The following SYN2 variants were observed in gnomAD, a reference collection of about 807,000 sequenced individuals.
SYN2 encodes the protein synapsin-2.
In SYN2, 19 loss-of-function variants were observed where a neutral mutation model predicts 50.9. That is an observed-to-expected ratio of 0.37 (90% CI 0.26 to 0.55). The LOEUF (loss-of-function observed/expected upper bound fraction) is 0.55. Among genes scored for constraint, SYN2 ranks in the 20% least tolerant of loss-of-function variants. The pLI, the probability that SYN2 is intolerant of heterozygous loss-of-function variation, is 0.81. For missense variants in SYN2, 587 were observed against 576.4 expected (o/e 1.02, Z -0.19); for synonymous variants, 255 against 224.9 (o/e 1.13, Z -1.20).
chr3:12,152,912 AG>A (rs912650649), intron 5 of SYN2: 1 of 173,074 alleles, frequency 5.8e-6, no homozygotes, highest in African/African-American at 2.4e-5. Flanking sequence ...AATGGTATAG[AG>A]GGGATAACAG....
chr3:12,008,479 G>A (rs552931643), intron 1 of SYN2, among the ~76,000 whole-genome samples: 1 of 152,254 alleles, frequency 6.6e-6, no homozygotes, highest in Admixed American at 6.5e-5. Context: ...TCAACCAGGA[G>A]CATTTTGAAC....
intron 12 of SYN2, among the ~76,000 whole-genome samples, chr3:12,188,015 TTC>T (rs2307973): frequency 0.73 from 104,248 of 143,676 alleles, 36,795 homozygotes; most frequent in South Asian, 0.81. Context: ...TTGTGTGTGT[TTC>T]TTTCTTTGTA....
intron 4 of SYN2, among the ~76,000 whole-genome samples, chr3:12,150,430 G>A (rs1697255152): frequency 6.6e-6 from 1 of 152,182 alleles, no homozygotes; most frequent in Non-Finnish European, 1.5e-5. Context: ...CTGTGAACCT[G>A]GCTCAACTAC....
chr3:12,026,699 A>C (rs1559390344), intron 1 of SYN2, among the ~76,000 whole-genome samples: 2 of 152,266 alleles, frequency 1.3e-5, no homozygotes, highest in South Asian at 2.1e-4. Context: ...AAGAATGAGG[A>C]ATGCTAGGAG....
chr3:12,004,976 C>T, intron 1 of SYN2, 48 bp downstream of exon 1: 1 of 469,190 alleles, frequency 2.1e-6, no homozygotes, highest in Non-Finnish European at 3.7e-6. Flanking sequence ...CCGCCGGCAG[C>T]CGCAGGCCAG....
intron 1 of SYN2, among the ~76,000 whole-genome samples, chr3:12,137,506 G>C (rs1363793283): frequency 6.6e-6 from 1 of 152,136 alleles, no homozygotes; most frequent in Non-Finnish European, 1.5e-5. Context: ...AGCCATTGTA[G>C]CACTGTTTGT....
chr3:12,079,584 G>A (rs767367291), intron 1 of SYN2, among the ~76,000 whole-genome samples: 7 of 152,110 alleles, frequency 4.6e-5, no homozygotes, highest in Non-Finnish European at 8.8e-5. Flanking sequence ...CTTTAGTTCT[G>A]TTTATGTGAT....
rs190734487 is a variant in SYN2, at chr3:12,039,477, G to A, written c.377+34549G>A. On this transcript the variant is annotated intron_variant, in intron 1 of 12. Coordinates refer to ENST00000621198, the MANE Select transcript of SYN2 (RefSeq NM_133625.6). ...AACTCTACCTTTGTGCTAGGTAGAG[G>A]TCACTTCAGTTTTCACTGTATTCTT... 1.6e-4 allele frequency among the ~76,000 whole-genome samples: 24 copies of A among 151,206 alleles called. No individual in the cohort carries two copies. In the East Asian group the frequency reaches 2.0e-3, roughly 12 times the overall value.
chr3:12,091,525 C>A (rs1695828015), intron 1 of SYN2, among the ~76,000 whole-genome samples: 1 of 152,008 alleles, frequency 6.6e-6, no homozygotes, highest in South Asian at 2.1e-4. Context: ...ATAAGTGAGA[C>A]CCAGAGACAG....
intron 1 of SYN2, among the ~76,000 whole-genome samples, chr3:12,099,730 C>T (rs536067476): frequency 2.0e-5 from 3 of 151,880 alleles, no homozygotes; most frequent in African/African-American, 7.2e-5. Context: ...TTTGGGAGGC[C>T]GAAATGGGCG....
chr3:12,112,310 C>G (rs1295922774), intron 1 of SYN2, among the ~76,000 whole-genome samples: 3 of 152,180 alleles, frequency 2.0e-5, no homozygotes, highest in Non-Finnish European at 4.4e-5. Flanking sequence ...ACTTCACAGT[C>G]AGATTCAATG....
chr3:12,022,076 T>TC (rs1694150249), intron 1 of SYN2, among the ~76,000 whole-genome samples: 1 of 114,790 alleles, frequency 8.7e-6, no homozygotes, highest in South Asian at 4.0e-4. Context: ...AGGCTCTGTG[T>TC]CAAAAAAAAA....
At chr3:12,133,035 C>G (rs1696826711) in intron 1 of SYN2, among the ~76,000 whole-genome samples, 2 of 152,200 alleles carry the variant, frequency 1.3e-5, no homozygotes, top group African/African-American at 2.4e-5. Context: ...CAGTTTACCC[C>G]TAATCATCTT....
intron 1 of SYN2, among the ~76,000 whole-genome samples, chr3:12,049,909 A>C (rs898959610): frequency 2.6e-5 from 4 of 152,118 alleles, no homozygotes; most frequent in Non-Finnish European, 5.9e-5. Context: ...TGCAACACAA[A>C]GCAATCTCGA....
At chr3:12,123,348 T>G (rs1402877955) in intron 1 of SYN2, among the ~76,000 whole-genome samples, 1 of 152,134 alleles carries the variant, frequency 6.6e-6, no homozygotes, top group Non-Finnish European at 1.5e-5. Context: ...ATAAAAGAGA[T>G]ATCCTACGAG....
intron 1 of SYN2, among the ~76,000 whole-genome samples, chr3:12,042,021 A>G (rs546799847): frequency 2.6e-5 from 4 of 152,144 alleles, no homozygotes; most frequent in Non-Finnish European, 4.4e-5. Context: ...GCCAACATAT[A>G]TAGTAGTTTC....
chr3:12,070,315 T>C, intron 1 of SYN2: 1 of 504,556 alleles, frequency 2.0e-6, no homozygotes, highest in Non-Finnish European at 4.0e-6. Flanking sequence ...CTGAGCCGTG[T>C]TCCCCTCCAT....
In SYN2 at chr3:12,190,543, G is replaced by A. The variant is rs772737200; in HGVS notation, c.1667G>A (p.Arg556Gln). ...AGCTTCTCTGAGTCCTCCTTCTTCC[G>A]GTCTTCAGCCAATGAGGATGAAGCC... ...AFSFSESSFF[R>Q]SSANEDEAKA... Residue 556 changes from arginine (R) to glutamine (Q), a missense_variant, in exon 13 of 13, where the codon CGG becomes CAG. Coordinates refer to ENST00000621198, the MANE Select transcript of SYN2 (RefSeq NM_133625.6). 2.5e-5 allele frequency: 40 copies of A among 1,613,382 alleles called. 1 individual carries two copies. In the South Asian group the frequency reaches 2.7e-4, roughly 11 times the overall value.
chr3:12,159,671 T>C (rs1044976529), intron 5 of SYN2, among the ~76,000 whole-genome samples: 1 of 152,192 alleles, frequency 6.6e-6, no homozygotes, highest in Non-Finnish European at 1.5e-5. Flanking sequence ...CTCGAGGCCC[T>C]AGACTACATT....
Sources: allele counts gnomAD v4.1 joint callset (sites outside exome capture counted in the v4.1 genomes callset), GRCh38; gene constraint gnomAD v4.1.1; transcripts MANE v1.5; gene names NCBI Gene and HGNC (gene_info 2026-07-23, HGNC 2026-07-21).